The following SFT2D2 variants were observed in gnomAD, a reference collection of about 807,000 sequenced individuals.
SFT2D2 encodes the protein SFT2 domain containing 2.
SFT2D2 carries 21 observed loss-of-function variants against 27.4 expected under a neutral mutation model. The observed-to-expected ratio is 0.77, with a 90% confidence interval of 0.54 to 1.10. The LOEUF is 1.10. Among genes scored for constraint, SFT2D2 ranks in the 50% least tolerant of loss-of-function variants. SFT2D2 has a pLI of 0.00. For synonymous variants in SFT2D2, 72 were observed against 71.7 expected (o/e 1.00, Z -0.02); for missense variants, 187 against 194.2 (o/e 0.96, Z 0.22).
In SFT2D2 at chr1:168,229,959, A is replaced by G. The variant is rs74121074; in HGVS notation, c.64-1555A>G. ...GGTGGCTCATCTGTCAGATCTTAAC[A>G]CTGGGCCCCTGCTGTCTGTTATCAT... On this transcript the variant is annotated intron_variant, in intron 1 of 7. Transcript: ENST00000271375. Among the ~76,000 whole-genome samples the G allele has an allele frequency of 8.2e-3, 1,247 of 152,266 alleles. 16 individuals carry two copies. Among genetic ancestry groups the G allele is most frequent in the African/African-American group, 0.028 (1,169 of 41,540 alleles).
In SFT2D2 at chr1:168,227,694, A is replaced by G. The variant is rs113651130; in HGVS notation, c.63+1552A>G. On this transcript the variant is annotated intron_variant, in intron 1 of 7. Coordinates refer to ENST00000271375, the MANE Select transcript of SFT2D2 (RefSeq NM_199344.3). Reference sequence around the variant, plus strand: ...TGGAACCTCAGACCGGGCCTAAGAAAGGTCTGACTCATAGGTAGCTGACCC... The same window carrying G: ...TGGAACCTCAGACCGGGCCTAAGAAGGGTCTGACTCATAGGTAGCTGACCC... 3.0e-3 allele frequency among the ~76,000 whole-genome samples: 462 copies of G among 152,300 alleles called. 2 individuals carry two copies. The highest frequency in any genetic ancestry group is 8.7e-3 in the African/African-American group (361 of 41,552).
intron 3 of SFT2D2, 24 bp from the exon 4 acceptor site, chr1:168,235,077 T>G: frequency 6.2e-7 from 1 of 1,612,266 alleles, no homozygotes; most frequent in Non-Finnish European, 8.5e-7. Context: ...CTGAACGGCT[T>G]GTGTGCGTGT....
chr1:168,227,622 C>A (rs1165012326), intron 1 of SFT2D2, among the ~76,000 whole-genome samples: 2 of 152,096 alleles, frequency 1.3e-5, no homozygotes, highest in Non-Finnish European at 2.9e-5. Flanking sequence ...AGAGTAATTT[C>A]ACGGGTTTTT....
At chr1:168,233,652 GT>G (rs1201191701) in intron 3 of SFT2D2, among the ~76,000 whole-genome samples, 6 of 152,138 alleles carry the variant, frequency 3.9e-5, no homozygotes, top group African/African-American at 1.4e-4. Flanking sequence ...GTGGGGGGGT[GT>G]TTTGGGCAGA....
In SFT2D2 at chr1:168,246,080, C is replaced by G; in HGVS notation, c.*3540C>G. Reference sequence around the variant, plus strand: ...TTGTTGTTGATTGTTTAGGACGTCACCCTGTTTTTGTTGAAGTTGTCTCAC... The same window carrying G: ...TTGTTGTTGATTGTTTAGGACGTCAGCCTGTTTTTGTTGAAGTTGTCTCAC... On this transcript the variant is annotated 3_prime_UTR_variant, in exon 8 of 8. Coordinates refer to ENST00000271375, the MANE Select transcript of SFT2D2 (RefSeq NM_199344.3). The G allele has an allele frequency of 4.3e-6, 1 of 230,672 alleles. No homozygotes were observed. The highest frequency in any genetic ancestry group is 5.4e-5 in the Admixed American group (1 of 18,684). 14.3% of individuals were successfully genotyped at this position (230,672 alleles called of 1,614,324 possible).
rs768245036 is a variant in SFT2D2 at position 168,235,084 on chromosome 1, G to A, written c.237-17G>A. On this transcript the variant is annotated splice_polypyrimidine_tract_variant and intron_variant, in intron 3 of 7. Coordinates refer to ENST00000271375, the MANE Select transcript of SFT2D2 (RefSeq NM_199344.3). ...GTTCTGTTCTGAACGGCTTGTGTGCGTGTGTTTGCCTTTTAGTACCATCTT... is the reference window on the plus strand; with the variant it reads ...GTTCTGTTCTGAACGGCTTGTGTGCATGTGTTTGCCTTTTAGTACCATCTT... The A allele has an allele frequency of 2.2e-5, 35 of 1,612,844 alleles. No individual in the cohort carries two copies. Among genetic ancestry groups the A allele is most frequent in the Non-Finnish European group, 2.7e-5 (32 of 1,179,194 alleles).
chr1:168,234,867 G>A (rs533215039), intron 3 of SFT2D2, among the ~76,000 whole-genome samples: 1 of 152,180 alleles, frequency 6.6e-6, no homozygotes, highest in Non-Finnish European at 1.5e-5. Flanking sequence ...TCCCTAGTTG[G>A]GTGGCCTTGG....
At position 168,249,244 on chromosome 1, in the gene SFT2D2, C is replaced by T. The variant is rs992311478; in HGVS notation, c.*6704C>T. The T allele has an allele frequency of 6.6e-6, 1 of 152,142 alleles. No individual in the cohort carries two copies. The highest frequency in any genetic ancestry group is 2.4e-5 in the African/African-American group (1 of 41,422). 9.4% of individuals were successfully genotyped at this position (152,142 alleles called of 1,614,324 possible). On this transcript the variant is annotated 3_prime_UTR_variant, in exon 8 of 8. Coordinates refer to ENST00000271375, the MANE Select transcript of SFT2D2 (RefSeq NM_199344.3). ...GCTATAAATTTCCCTCTACACACTG[C>T]TTTAATTTTGAAATGGAGTTTTGCT... is the stretch of plus-strand genomic sequence containing the variant.
chr1:168,231,780 G>A (rs1656033446), intron 2 of SFT2D2, 54 bp from the exon 3 acceptor site: 1 of 1,573,508 alleles, frequency 6.4e-7, no homozygotes, highest in Non-Finnish European at 8.7e-7. Context: ...AGCTCTGCTT[G>A]TGTGGCCGGG....
chr1:168,226,223 G>C (rs1354132323), intron 1 of SFT2D2, 81 bp downstream of exon 1: 13 of 1,304,926 alleles, frequency 1.0e-5, no homozygotes, highest in Non-Finnish European at 1.3e-5. Context: ...AAGCCTGCGG[G>C]GACTCCCTGG....
chr1:168,229,081 G>A (rs1212723658), intron 1 of SFT2D2, among the ~76,000 whole-genome samples: 3 of 152,134 alleles, frequency 2.0e-5, no homozygotes, highest in Non-Finnish European at 4.4e-5. Flanking sequence ...TTCCATTTTG[G>A]CAAACAGAGT....
At chr1:168,239,577 T>G (rs2102332640) in intron 7 of SFT2D2, among the ~76,000 whole-genome samples, 1 of 151,888 alleles carries the variant, frequency 6.6e-6, no homozygotes, top group Non-Finnish European at 1.5e-5. Flanking sequence ...TCACAAGAGT[T>G]TATAAAGGGA....
chr1:168,241,115 T>G (rs374671710), intron 7 of SFT2D2, among the ~76,000 whole-genome samples: 13 of 152,196 alleles, frequency 8.5e-5, no homozygotes, highest in African/African-American at 2.6e-4. Flanking sequence ...TGAGGGAATT[T>G]TATTTGAGAT....
intron 4 of SFT2D2, 132 bp from the exon 5 acceptor site, chr1:168,236,457 T>G: frequency 1.3e-6 from 1 of 753,242 alleles, no homozygotes; most frequent in Non-Finnish European, 2.2e-6. Context: ...CAAATATGGG[T>G]GCTCAGGTGG....
intron 1 of SFT2D2, 122 bp from the exon 2 acceptor site, chr1:168,231,392 G>GTGT: frequency 1.3e-6 from 1 of 753,054 alleles, no homozygotes; most frequent in Non-Finnish European, 2.2e-6. Flanking sequence ...TCGCCTGAGT[G>GTGT]TGTAGGATTC....
intron 1 of SFT2D2, among the ~76,000 whole-genome samples, chr1:168,226,946 A>G (rs1700467972): frequency 6.6e-6 from 1 of 151,950 alleles, no homozygotes; most frequent in Non-Finnish European, 1.5e-5. Flanking sequence ...CAGCCTCCCA[A>G]GTAGCTGGGA....
rs1647893083 is a variant in SFT2D2, at chr1:168,249,031, A to G, written c.*6491A>G. On this transcript the variant is annotated 3_prime_UTR_variant, in exon 8 of 8. Transcript: ENST00000271375. ...TCTATCTATTTTGTTGATCTTTTCA[A>G]AAAACCAGCTCCTGGATTCATTGTT... The G allele has an allele frequency of 6.6e-6, 1 of 151,932 alleles. No homozygotes were observed. The highest frequency in any genetic ancestry group is 2.4e-5 in the African/African-American group (1 of 41,362). 9.4% of individuals were successfully genotyped at this position (151,932 alleles called of 1,614,324 possible). A position where few individuals can be genotyped will look rare whatever the true frequency, so the allele number is the denominator to read the frequency against.
chr1:168,236,606 C>T lies in SFT2D2; in HGVS notation c.336C>T (p.Thr112=). ...TIMVLLCFAL[T]LCSAFWWHNK... ...TCCTTTAGTTGTGTTTTGCACTTAC[C>T]CTGTGTTCTGCCTTTTGGGTAAATG... The change falls in exon 5 of 8, where the codon ACC becomes ACT. Residue 112 remains threonine (T), a synonymous_variant. Transcript: ENST00000271375. 6.2e-7 allele frequency: 1 copy of T among 1,613,234 alleles called. No homozygotes were observed. Among genetic ancestry groups the T allele is most frequent in the Non-Finnish European group, 8.5e-7 (1 of 1,179,902 alleles).
rs1647744549 is a variant in SFT2D2 at position 168,244,367 on chromosome 1, CAG to C, written c.*1828_*1829del. On this transcript the variant is annotated 3_prime_UTR_variant, in exon 8 of 8. Transcript: ENST00000271375. ...CTAATTTTTGTGTTTTTAGTGGAGA[CAG>C]GGTTTCACCATGTTGGCCAAGCTGG... 6.6e-6 allele frequency: 1 copy of C among 152,056 alleles called. No individual in the cohort carries two copies. The highest frequency in any genetic ancestry group is 1.5e-5 in the Non-Finnish European group (1 of 68,078). The allele number at this position is 152,056 out of a possible 1,614,324, so 9.4% of individuals were successfully genotyped here.
Sources: allele counts gnomAD v4.1 joint callset (sites outside exome capture counted in the v4.1 genomes callset), GRCh38; gene constraint gnomAD v4.1.1; transcripts MANE v1.5; gene names NCBI Gene and HGNC (gene_info 2026-07-23, HGNC 2026-07-21).